The following ZNF704 variants were observed in gnomAD, a reference collection of about 807,000 sequenced individuals.
The protein encoded by ZNF704 is zinc finger protein 704.
ZNF704 carries 10 observed loss-of-function variants against 44.7 expected under a neutral mutation model. That is an observed-to-expected ratio of 0.22 (90% confidence interval 0.14 to 0.38). The LOEUF (loss-of-function observed/expected upper bound fraction) is 0.38. Ranked by LOEUF, ZNF704 falls within the 10% of genes least tolerant of loss-of-function variation. The pLI, the probability that ZNF704 is intolerant of heterozygous loss-of-function variation, is 1.00. For synonymous variants in ZNF704, 211 were observed against 207.6 expected, an observed-to-expected ratio of 1.02 and a Z score of -0.14; for missense variants, 390 against 545.5, an observed-to-expected ratio of 0.71 and a Z score of 2.84.
chr8:80,838,605 A>C (rs77069849), intron 1 of ZNF704, among the ~76,000 whole-genome samples: 11,714 of 149,192 alleles, frequency 0.079, 524 homozygotes, highest in African/African-American at 0.11. Context: ...GAAGAGGAGG[A>C]AGAGAGCAGA....
chr8:80,642,853 C>T (rs574066801), intron 8 of ZNF704, among the ~76,000 whole-genome samples, 182 bp downstream of exon 8: 1 of 152,054 alleles, frequency 6.6e-6, no homozygotes, highest in Non-Finnish European at 1.5e-5. Context: ...CATTACCCCC[C>T]GAAACAACAA....
At chr8:80,670,971 T>C (rs537904243) in intron 4 of ZNF704, among the ~76,000 whole-genome samples, 2 of 152,248 alleles carry the variant, frequency 1.3e-5, no homozygotes, top group Non-Finnish European at 2.9e-5. Flanking sequence ...CTAATATTAA[T>C]CTCCATTTTA....
chr8:80,707,102 A>T (rs910577722), intron 2 of ZNF704, among the ~76,000 whole-genome samples: 1 of 152,208 alleles, frequency 6.6e-6, no homozygotes, highest in Non-Finnish European at 1.5e-5. Flanking sequence ...CATTTTATAA[A>T]CATGGAGACT....
intron 6 of ZNF704, among the ~76,000 whole-genome samples, chr8:80,660,302 C>G (rs1289895196): frequency 6.6e-6 from 1 of 151,982 alleles, no homozygotes; most frequent in Non-Finnish European, 1.5e-5. Context: ...GAGACTTCGT[C>G]TCTACTAAAA....
At chr8:80,838,886 AGAG>A (rs956443175) in intron 1 of ZNF704, among the ~76,000 whole-genome samples, 2 of 147,928 alleles carry the variant, frequency 1.4e-5, no homozygotes, top group Admixed American at 6.7e-5. Context: ...AGGAGAAGGA[AGAG>A]GAGGAGGAGG....
rs188027460 is a variant in ZNF704 at position 80,867,575 on chromosome 8, T to C, written c.-22+6996A>G. On this transcript the variant is annotated intron_variant, in intron 1 of 8. Transcript: ENST00000327835. ...GTACTGGATTACTAGATAATATCTG[T>C]TTGCCTTCCAACTCCAGCAGTCCAC... 2.5e-4 allele frequency among the ~76,000 whole-genome samples: 38 copies of C among 152,258 alleles called. No individual in the cohort carries two copies. The East Asian group carries it at 7.1e-3, about 29-fold the overall frequency.
chr8:80,874,307 G>A lies in ZNF704; in HGVS notation c.-22+264C>T, dbSNP rs1232590288. 2.1e-5 allele frequency among the ~76,000 whole-genome samples: 3 copies of A among 144,834 alleles called. No homozygotes were observed. Among genetic ancestry groups the A allele is most frequent in the Non-Finnish European group, 4.6e-5 (3 of 65,282 alleles). Reference sequence around the variant, plus strand: ...CGGGCGGGGGTGGGTGTGAGCGAGCGGCGCGCTGCCGCCTCCGCCGCCGCC... The same window carrying A: ...CGGGCGGGGGTGGGTGTGAGCGAGCAGCGCGCTGCCGCCTCCGCCGCCGCC... On this transcript the variant is annotated intron_variant, in intron 1 of 8. Transcript: ENST00000327835. The surrounding 1 kb of genome is among the most constrained non-coding windows in gnomAD (Gnocchi z 4.4).
At chr8:80,834,227 C>T (rs1282572276) in intron 1 of ZNF704, among the ~76,000 whole-genome samples, 1 of 151,988 alleles carries the variant, frequency 6.6e-6, no homozygotes, top group Admixed American at 6.6e-5. Flanking sequence ...ATCCTATCTA[C>T]AGGTACAGTG....
chr8:80,705,063 C>T (rs1585968188), intron 2 of ZNF704, among the ~76,000 whole-genome samples: 1 of 152,204 alleles, frequency 6.6e-6, no homozygotes, highest in African/African-American at 2.4e-5. Flanking sequence ...GAGGACACCC[C>T]CCTGCAGAAC....
intron 2 of ZNF704, among the ~76,000 whole-genome samples, chr8:80,726,483 T>C (rs982153193): frequency 2.0e-5 from 3 of 152,216 alleles, no homozygotes; most frequent in African/African-American, 7.2e-5. Context: ...GGTGTCAGAA[T>C]AACTGTGGTT....
At chr8:80,702,819 A>G (rs1304952014) in intron 2 of ZNF704, among the ~76,000 whole-genome samples, 1 of 152,084 alleles carries the variant, frequency 6.6e-6, no homozygotes, top group Non-Finnish European at 1.5e-5. Context: ...GGCAGAGGTG[A>G]AAGTCGCTGG....
intron 1 of ZNF704, among the ~76,000 whole-genome samples, chr8:80,823,998 C>A (rs1363770143): frequency 6.6e-6 from 1 of 152,204 alleles, no homozygotes; most frequent in Non-Finnish European, 1.5e-5. Context: ...GCTGAAAATT[C>A]TAAAAATCAG....
intron 7 of ZNF704, among the ~76,000 whole-genome samples, chr8:80,649,860 GCCT>G (rs1413586502): frequency 6.6e-6 from 1 of 152,230 alleles, no homozygotes; most frequent in Non-Finnish European, 1.5e-5. Flanking sequence ...CGGACAGACT[GCCT>G]CCTCAAGTGG....
Position 80,874,077 on chromosome 8 carries a change from G to T in ZNF704, c.-22+494C>A, listed in dbSNP as rs545814668. ...CGCGGGGTTGCGGGCCGCGGCGCGG[G>T]GCCGGAGAGTTTGTCACCTCCTCTT... On this transcript the variant is annotated intron_variant, in intron 1 of 8. Transcript: ENST00000327835. The surrounding 1 kb of genome is among the most constrained non-coding windows in gnomAD (Gnocchi z 4.4). 2.2e-4 allele frequency among the ~76,000 whole-genome samples: 33 copies of T among 146,916 alleles called. No homozygotes were observed. The South Asian group carries it at 6.9e-3, about 31-fold the overall frequency.
chr8:80,793,199 T>C (rs1807741627), intron 2 of ZNF704, among the ~76,000 whole-genome samples: 1 of 152,142 alleles, frequency 6.6e-6, no homozygotes, highest in African/African-American at 2.4e-5. Context: ...GGAGTGTGGA[T>C]CAAAGATGAT....
In ZNF704 at chr8:80,632,334, A is replaced by G. The variant is rs1205930730; in HGVS notation, c.*9032T>C. The G allele has an allele frequency of 1.3e-5, 2 of 152,030 alleles. No individual in the cohort carries two copies. Among genetic ancestry groups the G allele is most frequent in the East Asian group, 3.9e-4 (2 of 5,186 alleles). The allele number at this position is 152,030 out of a possible 1,614,324, so 9.4% of individuals were successfully genotyped here. On this transcript the variant is annotated 3_prime_UTR_variant, in exon 9 of 9. Coordinates refer to ENST00000327835, the MANE Select transcript of ZNF704 (RefSeq NM_001033723.3). ...GCCACCACGCCCGACTAATTTTTGTATTTTTAGTAAAGACAGGGTTTCCCT... is the reference window on the plus strand; with the variant it reads ...GCCACCACGCCCGACTAATTTTTGTGTTTTTAGTAAAGACAGGGTTTCCCT...
intron 2 of ZNF704, among the ~76,000 whole-genome samples, chr8:80,713,633 G>C (rs964721232): frequency 6.6e-6 from 1 of 152,230 alleles, no homozygotes; most frequent in African/African-American, 2.4e-5. Flanking sequence ...GGAGAAGAGA[G>C]ATAATGCAGA....
rs755149475 is a variant in ZNF704, at chr8:80,821,505, T to C, written c.90A>G (p.Glu30=). 8 of 1,614,162 alleles carry C rather than the reference T, an allele frequency of 5.0e-6. No individual in the cohort carries two copies. Among genetic ancestry groups the C allele is most frequent in the Non-Finnish European group, 6.8e-6 (8 of 1,179,998 alleles). ...TTTTGGTGTCTGCTGTTTTCACATC[T>C]TCCTCCATGGCCAAGGAAAACACGT... ...HQHVFSLAME[E]DVKTADTKKA... The change falls in exon 2 of 9, where the codon GAA becomes GAG. Residue 30 remains glutamate (E), a synonymous_variant. Transcript: ENST00000327835.
intron 2 of ZNF704, among the ~76,000 whole-genome samples, chr8:80,787,252 T>C (rs1352645673): frequency 6.6e-6 from 1 of 152,230 alleles, no homozygotes; most frequent in Non-Finnish European, 1.5e-5. Flanking sequence ...AGATTTTTTC[T>C]CTTTACCTCT....
Sources: allele counts gnomAD v4.1 joint callset (sites outside exome capture counted in the v4.1 genomes callset), GRCh38; gene constraint gnomAD v4.1.1; non-coding constraint Gnocchi (gnomAD v3.1); transcripts MANE v1.5; gene names NCBI Gene and HGNC (gene_info 2026-07-23, HGNC 2026-07-21).